TTC23: variants seen among roughly 807,000 people sequenced by gnomAD.
The protein encoded by TTC23 is tetratricopeptide repeat domain 23.
In TTC23, 58 loss-of-function variants were observed where a neutral mutation model predicts 55.1. The observed-to-expected ratio is 1.05, with a 90% CI of 0.85 to 1.31. TTC23 has a LOEUF of 1.31. Among genes scored for constraint, TTC23 ranks in the 50% most tolerant of loss-of-function variants. The pLI, the probability that TTC23 is intolerant of heterozygous loss-of-function variation, is 0.00. For missense variants in TTC23, 516 were observed against 534.4 expected (o/e 0.97, Z 0.34); for synonymous variants, 203 against 199.9 (o/e 1.02, Z -0.13).
chr15:99,185,541 G>C (rs1173519433), intron 9 of TTC23, among the ~76,000 whole-genome samples: 1 of 152,144 alleles, frequency 6.6e-6, no homozygotes, highest in African/African-American at 2.4e-5. Context: ...AGCTACCCTG[G>C]AAACTGAAAA....
chr15:99,184,814 G>A (rs1034357413), intron 9 of TTC23, among the ~76,000 whole-genome samples: 1 of 152,176 alleles, frequency 6.6e-6, no homozygotes, highest in Non-Finnish European at 1.5e-5. Context: ...CAGGCAAAAT[G>A]ATATGGTTTG....
At chr15:99,218,547 TC>T (rs2077652537) in intron 8 of TTC23, 40 bp downstream of exon 8, 2 of 1,612,684 alleles carry the variant, frequency 1.2e-6, no homozygotes, top group Non-Finnish European at 1.7e-6. Context: ...GCAAAGAGCC[TC>T]CCGCCATCAT....
At chr15:99,204,644 T>TC (rs2076468854) in intron 8 of TTC23, among the ~76,000 whole-genome samples, 1 of 130,598 alleles carries the variant, frequency 7.7e-6, no homozygotes, top group Admixed American at 7.6e-5. Context: ...TTTTTTTTTT[T>TC]TTTTTTTTTT....
chr15:99,246,160 G>GA (rs142324512), intron 1 of TTC23, among the ~76,000 whole-genome samples: 46 of 150,486 alleles, frequency 3.1e-4, no homozygotes, highest in African/African-American at 1.0e-3. Context: ...AGTGATAAAA[G>GA]AAAAAAAAAG....
intron 5 of TTC23, among the ~76,000 whole-genome samples, chr15:99,224,678 G>C (rs1467080643): frequency 6.6e-6 from 1 of 152,242 alleles, no homozygotes; most frequent in Non-Finnish European, 1.5e-5. Context: ...AAATTCTGAG[G>C]CTGTGAGTAG....
chr15:99,238,868 T>C (rs1469658996), intron 3 of TTC23, among the ~76,000 whole-genome samples: 2 of 151,348 alleles, frequency 1.3e-5, no homozygotes, highest in South Asian at 2.1e-4. Flanking sequence ...GGGTACAGTA[T>C]ACAGCACTTT....
rs2076060701 is a variant in TTC23, at chr15:99,199,900, C to A, written c.759+19G>T. ...ATTGGGCCTAGAACAGCTTTGGTAG[C>A]CAGGACCTTGTAGCTTACCTGGAGG... On this transcript the variant is annotated intron_variant, in intron 9 of 13. Transcript: ENST00000394132. 6.2e-7 allele frequency: 1 copy of A among 1,604,082 alleles called. No homozygotes were observed. The highest frequency in any genetic ancestry group is 1.3e-5 in the African/African-American group (1 of 74,546).
chr15:99,139,635 T>C, intron 12 of TTC23: 2 of 1,494,838 alleles, frequency 1.3e-6, no homozygotes, highest in Non-Finnish European at 1.8e-6. Context: ...ACTATCTGTA[T>C]GCAAAAAATA....
At chr15:99,166,292 C>T (rs1299748685) in intron 10 of TTC23, among the ~76,000 whole-genome samples, 1 of 152,208 alleles carries the variant, frequency 6.6e-6, no homozygotes, top group Admixed American at 6.5e-5. Context: ...CTTCCCCTAA[C>T]TGCCCCGAAA....
chr15:99,236,825 T>C (rs34543682), intron 3 of TTC23, among the ~76,000 whole-genome samples: 8,514 of 152,346 alleles, frequency 0.056, 303 homozygotes, highest in Admixed American at 0.12. Flanking sequence ...TTACCTTTTG[T>C]TGATTATTGT....
At position 99,249,508 on chromosome 15, in the gene TTC23, A is replaced by G. The variant is rs1271396681; in HGVS notation, c.-768T>C. ...ATCAGTTTGGTGATTCTTTGTACAG[A>G]TTGATAACCATGAAAAAGTCTAAAG... On this transcript the variant is annotated 5_prime_UTR_variant, in exon 1 of 14. Transcript: ENST00000394132. 1.3e-5 allele frequency: 2 copies of G among 152,144 alleles called. No homozygotes were observed. The highest frequency in any genetic ancestry group is 2.9e-5 in the Non-Finnish European group (2 of 68,022). 9.4% of individuals were successfully genotyped at this position (152,144 alleles called of 1,614,324 possible).
At chr15:99,242,932 G>A (rs1385451044) in intron 2 of TTC23, among the ~76,000 whole-genome samples, 2 of 152,182 alleles carry the variant, frequency 1.3e-5, no homozygotes, top group Admixed American at 1.3e-4. Flanking sequence ...CTGGGACAGT[G>A]GTCTGGGGAA....
At chr15:99,233,712 T>C (rs2079099515) in intron 4 of TTC23, among the ~76,000 whole-genome samples, 1 of 152,226 alleles carries the variant, frequency 6.6e-6, no homozygotes, top group African/African-American at 2.4e-5. Flanking sequence ...TCAATACTTC[T>C]ATACAGATTT....
chr15:99,247,679 A>C (rs540087958), intron 1 of TTC23, among the ~76,000 whole-genome samples: 1 of 152,214 alleles, frequency 6.6e-6, no homozygotes, highest in South Asian at 2.1e-4. Context: ...TTTTTTAGTG[A>C]TTGGGGCTGG....
chr15:99,225,865 C>G (rs904173334), intron 5 of TTC23, among the ~76,000 whole-genome samples: 1 of 152,180 alleles, frequency 6.6e-6, no homozygotes, highest in Non-Finnish European at 1.5e-5. Context: ...CAGACAGCAC[C>G]TTAACCAAGT....
At chr15:99,213,311 G>A (rs2077191760) in intron 8 of TTC23, among the ~76,000 whole-genome samples, 1 of 152,204 alleles carries the variant, frequency 6.6e-6, no homozygotes, top group Non-Finnish European at 1.5e-5. Context: ...AAACACAAAA[G>A]TAACTTTGTA....
intron 3 of TTC23, among the ~76,000 whole-genome samples, chr15:99,236,518 T>C (rs979064386): frequency 2.6e-5 from 4 of 151,192 alleles, no homozygotes; most frequent in Non-Finnish European, 5.9e-5. Flanking sequence ...CAAGCTGGAG[T>C]GCAGTGGTGT....
rs2070528788 is a variant in TTC23, at chr15:99,156,171, C to T, written c.1120G>A (p.Gly374Arg). Residue 374 changes from glycine to arginine, a missense_variant, in exon 12 of 14, where the codon GGG (glycine) becomes AGG (arginine). Gly to Arg is a moderately radical substitution (Grantham distance 125, BLOSUM62 -2). Transcript: ENST00000394132. The part of the protein sequence containing the change: ...GADLAQGNHS[G>R]ARKKLKKCLQ... ...ACCTTCTTCAGTTTCTTGCGGGCCC[C>T]ACTGTGGTTCCCCTGCGCCAGGTCT... 6.2e-7 allele frequency: 1 copy of T among 1,614,074 alleles called. No individual in the cohort carries two copies. The highest frequency in any genetic ancestry group is 1.3e-5 in the African/African-American group (1 of 74,926).
intron 9 of TTC23, among the ~76,000 whole-genome samples, chr15:99,180,731 C>A (rs1026926496): frequency 1.3e-5 from 2 of 152,150 alleles, no homozygotes; most frequent in Admixed American, 1.3e-4. Flanking sequence ...ATTTTCCCCC[C>A]ACTTTGTAAT....
Sources: gnomAD v4.1 joint callset for allele counts (sites outside exome capture counted in the v4.1 genomes callset) on GRCh38, gnomAD v4.1.1 for gene constraint, MANE v1.5 for transcripts, NCBI Gene and HGNC (gene_info 2026-07-23, HGNC 2026-07-21) for gene names.